Variants in ADAM18 observed in about 807,000 individuals in gnomAD.
The protein encoded by ADAM18 is disintegrin and metalloproteinase domain-containing protein 18.
In ADAM18, 117 loss-of-function variants were observed where a neutral mutation model predicts 94.4. The observed-to-expected ratio is 1.24, with a 90% confidence interval of 1.07 to 1.45. The LOEUF (loss-of-function observed/expected upper bound fraction) is 1.45. ADAM18 is among the 40% of genes most tolerant of loss of function. The probability of loss-of-function intolerance (pLI) is 0.00; values close to 1 mark genes in which losing one functional copy is unlikely to be tolerated. For synonymous variants in ADAM18, 327 were observed against 291.6 expected (o/e 1.12, Z -1.24); for missense variants, 936 against 880.0 (o/e 1.06, Z -0.81).
chr8:39,661,083 A>G (rs1035781767), intron 12 of ADAM18, among the ~76,000 whole-genome samples: 6 of 151,756 alleles, frequency 4.0e-5, no homozygotes, highest in African/African-American at 1.5e-4. Flanking sequence ...TCATTTAAGT[A>G]CATGATCAGG....
chr8:39,640,198 A>G (rs538183572), intron 10 of ADAM18, among the ~76,000 whole-genome samples: 2 of 151,956 alleles, frequency 1.3e-5, no homozygotes, highest in East Asian at 3.9e-4. Context: ...CCAACCTCCA[A>G]CAGGCTCCAG....
At chr8:39,611,612 A>G in intron 6 of ADAM18, 4 of 983,956 alleles carry the variant, frequency 4.1e-6, no homozygotes, top group Non-Finnish European at 4.8e-6. Flanking sequence ...GAAAGCTGGA[A>G]ACAGCATTGC....
At chr8:39,688,566 AT>A (rs1043335715) in intron 16 of ADAM18, among the ~76,000 whole-genome samples, 1 of 151,910 alleles carries the variant, frequency 6.6e-6, no homozygotes, top group Non-Finnish European at 1.5e-5. Context: ...ACATGACCTC[AT>A]TTTTTTTATG....
rs190283977 is a variant in ADAM18 at position 39,691,567 on chromosome 8, A to G, written c.1822-1033A>G. Among the ~76,000 whole-genome samples, 314 of 152,196 alleles carry G rather than the reference A, an allele frequency of 2.1e-3. 2 individuals are homozygous for G. The highest frequency in any genetic ancestry group is 3.7e-3 in the Non-Finnish European group (249 of 67,928). ...CCACACTATTCACAATAACCAAACTATGGAATCAACGTAATTGCTCATTAA... is the reference window on the plus strand; with the variant it reads ...CCACACTATTCACAATAACCAAACTGTGGAATCAACGTAATTGCTCATTAA... On this transcript the variant is annotated intron_variant, in intron 16 of 19. Transcript: ENST00000265707.
intron 18 of ADAM18, among the ~76,000 whole-genome samples, chr8:39,714,735 G>A (rs2129581573): frequency 1.3e-5 from 2 of 152,164 alleles, no homozygotes; most frequent in East Asian, 3.9e-4. Flanking sequence ...AGTAAGTATA[G>A]TAAGTCCTCA....
Position 39,692,580 on chromosome 8 carries a change from TTTTG to T in ADAM18, c.1822-12_1822-9del, listed in dbSNP as rs747890351. The T allele has an allele frequency of 1.0e-5, 15 of 1,500,026 alleles. No individual in the cohort carries two copies. Among genetic ancestry groups the T allele is most frequent in the South Asian group, 1.3e-5 (1 of 77,518 alleles). The allele number at this position is 1,500,026 out of a possible 1,614,324, so 92.9% of individuals were successfully genotyped here. ...ATATGACATTTGTGAATTGTAAAAT[TTTTG>T]TTTGTTTTGTTTTAGTACTGTGTAA... On this transcript the variant is annotated splice_polypyrimidine_tract_variant and intron_variant, in intron 16 of 19. Transcript: ENST00000265707.
chr8:39,592,080 C>T (rs1818584010), intron 2 of ADAM18, among the ~76,000 whole-genome samples: 1 of 152,162 alleles, frequency 6.6e-6, no homozygotes, highest in South Asian at 2.1e-4. Flanking sequence ...TATAGTTATA[C>T]TATCATCCAG....
intron 12 of ADAM18, among the ~76,000 whole-genome samples, chr8:39,649,643 C>T (rs1224394158): frequency 6.6e-6 from 1 of 152,132 alleles, no homozygotes; most frequent in Non-Finnish European, 1.5e-5. Flanking sequence ...CATCAGTATT[C>T]CCTTTATATT....
intron 17 of ADAM18, among the ~76,000 whole-genome samples, chr8:39,698,963 G>A (rs1394677661): frequency 6.6e-6 from 1 of 152,002 alleles, no homozygotes; most frequent in Non-Finnish European, 1.5e-5. Flanking sequence ...TTTAGCTTAA[G>A]AATATGGAAA....
intron 16 of ADAM18, among the ~76,000 whole-genome samples, chr8:39,688,152 T>A (rs1372898279): frequency 6.6e-6 from 1 of 152,224 alleles, no homozygotes; most frequent in African/African-American, 2.4e-5. Flanking sequence ...CTTTAACTGA[T>A]GTGAGATGGT....
chr8:39,636,739 A>G (rs558487379), intron 7 of ADAM18, among the ~76,000 whole-genome samples: 1 of 151,926 alleles, frequency 6.6e-6, no homozygotes, highest in Non-Finnish European at 1.5e-5. Context: ...TACTTATTCT[A>G]CATAACCCAA....
intron 6 of ADAM18, among the ~76,000 whole-genome samples, chr8:39,622,695 A>G: frequency 6.6e-6 from 1 of 152,104 alleles, no homozygotes; most frequent in East Asian, 1.9e-4. Context: ...GTCTTATTTA[A>G]TGCTATTTAC....
intron 10 of ADAM18, among the ~76,000 whole-genome samples, chr8:39,642,150 A>G (rs541218185): frequency 4.6e-5 from 7 of 152,258 alleles, no homozygotes; most frequent in African/African-American, 1.7e-4. Flanking sequence ...TTCCCTACAG[A>G]TGCTAGATAT....
chr8:39,669,483 G>T (rs1821093323), intron 14 of ADAM18, among the ~76,000 whole-genome samples: 1 of 93,326 alleles, frequency 1.1e-5, no homozygotes, highest in Non-Finnish European at 1.9e-5. Flanking sequence ...CCCCACAACA[G>T]TCCCCAGTGT....
At chr8:39,609,865 G>A (rs376238461) in intron 5 of ADAM18, among the ~76,000 whole-genome samples, 3 of 152,046 alleles carry the variant, frequency 2.0e-5, no homozygotes, top group Non-Finnish European at 4.4e-5. Flanking sequence ...ATGGAAAATG[G>A]CATTAGTTAG....
chr8:39,631,738 A>G (rs534488267), intron 7 of ADAM18, among the ~76,000 whole-genome samples: 2 of 152,166 alleles, frequency 1.3e-5, no homozygotes, highest in Admixed American at 1.3e-4. Flanking sequence ...ATTACATTGA[A>G]TGGTTAGCTC....
At chr8:39,726,290 GTGTGTA>G (rs1233542109) in intron 19 of ADAM18, among the ~76,000 whole-genome samples, 1 of 150,944 alleles carries the variant, frequency 6.6e-6, no homozygotes, top group African/African-American at 2.4e-5. Context: ...GTGTGTGTGT[GTGTGTA>G]TATATATAAT....
chr8:39,604,224 A>T (rs908213021), intron 2 of ADAM18, among the ~76,000 whole-genome samples: 1 of 152,222 alleles, frequency 6.6e-6, no homozygotes, highest in Non-Finnish European at 1.5e-5. Context: ...TTCTGAGGAT[A>T]AAAAATTACA....
chr8:39,609,765 G>T (rs1031255047), intron 5 of ADAM18, among the ~76,000 whole-genome samples: 1 of 152,118 alleles, frequency 6.6e-6, no homozygotes, highest in African/African-American at 2.4e-5. Context: ...CAGGGTTATC[G>T]TGGAAAATGG....
Sources: gnomAD v4.1 joint callset for allele counts (sites outside exome capture counted in the v4.1 genomes callset) on GRCh38, gnomAD v4.1.1 for gene constraint, MANE v1.5 for transcripts, NCBI Gene and HGNC (gene_info 2026-07-23, HGNC 2026-07-21) for gene names.